The following CASK variants were observed in gnomAD, a reference collection of about 807,000 sequenced individuals.
The protein encoded by CASK is calcium/calmodulin dependent serine protein kinase.
CASK carries 4 observed loss-of-function variants against 82.9 expected under a neutral mutation model. The ratio of observed to expected loss-of-function variants is 0.05; its 90% CI spans 0.02 to 0.11. The LOEUF (loss-of-function observed/expected upper bound fraction) is 0.11. CASK is among the 10% of genes least tolerant of loss of function. CASK has a pLI of 1.00. For synonymous variants in CASK, 259 were observed against 253.5 expected (o/e 1.02, Z -0.20); for missense variants, 358 against 720.9 (o/e 0.50, Z 5.76).
intron 24 of CASK, among the ~76,000 whole-genome samples, chrX:41,533,113 G>C (rs908934515): frequency 9.0e-6 from 1 of 111,593 alleles, no homozygotes; most frequent in African/African-American, 3.3e-5. Context: ...GCCCAGCCAA[G>C]AACTTACATA....
intron 19 of CASK, 148 bp from the exon 20 acceptor site, chrX:41,555,783 A>T: frequency 4.2e-6 from 2 of 476,103 alleles, no homozygotes; most frequent in Non-Finnish European, 7.3e-6. Flanking sequence ...TTTATCAGAA[A>T]TGTTGAGTTA....
chrX:41,667,286 TG>T (rs1320100092), intron 6 of CASK, among the ~76,000 whole-genome samples: 1 of 111,733 alleles, frequency 8.9e-6, no homozygotes, highest in Admixed American at 9.6e-5. Flanking sequence ...TTTTATTTCA[TG>T]TAAATCAGTA....
At chrX:41,691,044 C>G (rs753977122) in intron 5 of CASK, among the ~76,000 whole-genome samples, 9 of 112,108 alleles carry the variant, frequency 8.0e-5, no homozygotes, top group Non-Finnish European at 1.5e-4. Flanking sequence ...ACTATTATAA[C>G]ATAAACAAAT....
intron 3 of CASK, among the ~76,000 whole-genome samples, chrX:41,760,190 G>T (rs1443585423): frequency 8.9e-6 from 1 of 112,218 alleles, no homozygotes. Flanking sequence ...TACCATGTAG[G>T]AACTTCACTG....
At chrX:41,660,404 A>G (rs2067014290) in intron 8 of CASK, 35 bp downstream of exon 8, 1 of 1,153,028 alleles carries the variant, frequency 8.7e-7, no homozygotes, top group South Asian at 1.8e-5. Flanking sequence ...GTGTTCAGAC[A>G]AAGTGTAGAA....
intron 1 of CASK, among the ~76,000 whole-genome samples, chrX:41,899,907 T>C (rs1455784680): frequency 9.0e-6 from 1 of 111,707 alleles, no homozygotes; most frequent in Admixed American, 9.4e-5. Context: ...TTGTTTCAAC[T>C]TGAAGAACTC....
chrX:41,577,885 CA>C (rs754850193), intron 15 of CASK, among the ~76,000 whole-genome samples: 1 of 111,957 alleles, frequency 8.9e-6, no homozygotes, highest in South Asian at 3.8e-4. Context: ...CAGTGTTACT[CA>C]ATTCTTTGAA....
intron 9 of CASK, among the ~76,000 whole-genome samples, chrX:41,633,064 A>G (rs1301553216): frequency 1.9e-5 from 2 of 105,636 alleles, no homozygotes; most frequent in East Asian, 5.7e-4. Flanking sequence ...AAAAATAATA[A>G]TAATAATAAA....
chrX:41,540,717 G>C (rs1463355386), intron 22 of CASK, among the ~76,000 whole-genome samples: 1 of 112,443 alleles, frequency 8.9e-6, no homozygotes, highest in Non-Finnish European at 1.9e-5. Flanking sequence ...GAAGATCAGT[G>C]ATACCCTGGT....
At chrX:41,846,439 G>T (rs988819385) in intron 2 of CASK, among the ~76,000 whole-genome samples, 1 of 108,630 alleles carries the variant, frequency 9.2e-6, no homozygotes, top group Non-Finnish European at 1.9e-5. Flanking sequence ...GGGTAGTTGG[G>T]GGGGCGGGGG....
intron 8 of CASK, among the ~76,000 whole-genome samples, chrX:41,650,079 C>T (rs2066837679): frequency 2.7e-5 from 3 of 109,381 alleles, no homozygotes; most frequent in African/African-American, 1.0e-4. Context: ...GCAACCCCTG[C>T]TTTTTTTTTG....
At chrX:41,873,306 AAG>A (rs1262905309) in intron 1 of CASK, among the ~76,000 whole-genome samples, 254 of 105,481 alleles carry the variant, frequency 2.4e-3, no homozygotes, top group Non-Finnish European at 4.3e-3. Context: ...AAAAAAAAAA[AAG>A]AGAGAGAGAG....
At chrX:41,523,631 G>A (rs1014478185) in intron 26 of CASK, among the ~76,000 whole-genome samples, 2 of 112,349 alleles carry the variant, frequency 1.8e-5, no homozygotes, top group Admixed American at 1.9e-4. Flanking sequence ...AGGTTTGGTA[G>A]TCTTCAGGGG....
intron 3 of CASK, among the ~76,000 whole-genome samples, chrX:41,773,525 T>C (rs1186673581): frequency 9.0e-6 from 1 of 111,221 alleles, no homozygotes; most frequent in Non-Finnish European, 1.9e-5. Flanking sequence ...ACTACAGCAA[T>C]AGATTGAAGG....
chrX:41,725,804 C>A (rs1177892952), intron 5 of CASK, among the ~76,000 whole-genome samples: 1 of 112,077 alleles, frequency 8.9e-6, no homozygotes, highest in Non-Finnish European at 1.9e-5. Flanking sequence ...ACTCAGATAG[C>A]AAATTACACA....
chrX:41,632,776 G>A (rs1040614054), intron 9 of CASK, among the ~76,000 whole-genome samples: 3 of 111,283 alleles, frequency 2.7e-5, no homozygotes, highest in Admixed American at 9.6e-5. Flanking sequence ...GCTGGGCGCG[G>A]TGGCTTATGC....
chrX:41,575,218 A>G (rs964926961), intron 15 of CASK, among the ~76,000 whole-genome samples: 2 of 112,204 alleles, frequency 1.8e-5, no homozygotes, highest in Non-Finnish European at 3.8e-5. Flanking sequence ...GTAGCAAATG[A>G]GACAAAAAGG....
At chrX:41,596,521 G>A (rs1331388723) in intron 12 of CASK, among the ~76,000 whole-genome samples, 2 of 112,338 alleles carry the variant, frequency 1.8e-5, no homozygotes, top group African/African-American at 6.5e-5. Flanking sequence ...GGTATCAGGT[G>A]TATTTGTAAA....
chrX:41,722,567 G>A (rs2068185471), intron 5 of CASK, among the ~76,000 whole-genome samples: 1 of 112,349 alleles, frequency 8.9e-6, no homozygotes, highest in Non-Finnish European at 1.9e-5. Context: ...AGACTTGGAT[G>A]TAAGGCACAT....
Sources: gnomAD v4.1 joint callset for allele counts (sites outside exome capture counted in the v4.1 genomes callset) on GRCh38, gnomAD v4.1.1 for gene constraint, MANE v1.5 for transcripts, NCBI Gene and HGNC (gene_info 2026-07-23, HGNC 2026-07-21) for gene names.